ZNF124: variants seen among roughly 807,000 people sequenced by gnomAD.
ZNF124 encodes zinc finger protein 124, also known as zinc finger protein HZF-16.
ZNF124 carries 25 observed loss-of-function variants against 26.6 expected under a neutral mutation model. That is an observed-to-expected ratio of 0.94 (90% CI 0.68 to 1.31). The LOEUF is 1.31. Among genes scored for constraint, ZNF124 ranks in the 40% most tolerant of loss-of-function variants. The pLI is 0.00. For synonymous variants in ZNF124, 129 were observed against 133.3 expected (o/e 0.97, Z 0.22); for missense variants, 444 against 422.2 (o/e 1.05, Z -0.45).
intron 3 of ZNF124, among the ~76,000 whole-genome samples, chr1:247,145,321 T>G (rs1672734281): frequency 6.6e-6 from 1 of 152,202 alleles, no homozygotes; most frequent in Admixed American, 6.5e-5. Flanking sequence ...CAAATGGTTC[T>G]GAAATTTGAA....
At chr1:247,151,457 T>C (rs993767585), downstream of ZNF124, among the ~76,000 whole-genome samples, 164 of 143,198 alleles carry the variant, frequency 1.1e-3, no homozygotes, top group African/African-American at 3.9e-3. Flanking sequence ...CCAGCCTGGG[T>C]GACAGAGTGA....
downstream of ZNF124, among the ~76,000 whole-genome samples, chr1:247,154,900 A>AT (rs1558383101): frequency 6.6e-6 from 1 of 152,186 alleles, no homozygotes; most frequent in African/African-American, 2.4e-5. Context: ...CCACAAGATC[A>AT]TTCCAATAGA....
At chr1:247,150,369 A>G (rs1418952862), downstream of ZNF124, among the ~76,000 whole-genome samples, 1 of 152,242 alleles carries the variant, frequency 6.6e-6, no homozygotes, top group Non-Finnish European at 1.5e-5. Context: ...AAACTGAAAG[A>G]TGAAGAAAAT....
intron 1 of ZNF124, among the ~76,000 whole-genome samples, chr1:247,166,419 C>T (rs1673781728): frequency 6.6e-6 from 1 of 152,184 alleles, no homozygotes; most frequent in Non-Finnish European, 1.5e-5. Flanking sequence ...TGCATAGGTT[C>T]ACTGTAGCAT....
At chr1:247,145,705 T>C (rs1224623388) in intron 3 of ZNF124, among the ~76,000 whole-genome samples, 1 of 152,008 alleles carries the variant, frequency 6.6e-6, no homozygotes, top group Non-Finnish European at 1.5e-5. Context: ...CTCGGCACAG[T>C]GCAACCTCTG....
rs779659255 is a variant in ZNF124 at position 247,159,976 on chromosome 1, G to GTTTT, written c.31-164_31-163insAAAA. Reference sequence around the variant, plus strand: ...TACACTTCCTTTCTCCCACATAGCAGTTCTTTTTTTTTTTTTTTTTTTTTT... The same window carrying GTTTT: ...TACACTTCCTTTCTCCCACATAGCAGTTTTTTCTTTTTTTTTTTTTTTTTTTTTT... On this transcript the variant is annotated intron_variant, in intron 1 of 3. Coordinates refer to ENST00000543802, the MANE Select transcript of ZNF124 (RefSeq NM_001297568.2). 2.8e-3 allele frequency: 697 copies of GTTTT among 246,926 alleles called. 15 individuals are homozygous for GTTTT. Among genetic ancestry groups the GTTTT allele is most frequent in the Admixed American group, 5.0e-3 (70 of 14,130 alleles). The allele number at this position is 246,926 out of a possible 1,614,324, so 15.3% of individuals were successfully genotyped here. A position where few individuals can be genotyped will look rare whatever the true frequency, so the allele number is the denominator to read the frequency against.
At chr1:247,147,252 G>A (rs1355832132) in intron 3 of ZNF124, among the ~76,000 whole-genome samples, 4 of 148,406 alleles carry the variant, frequency 2.7e-5, no homozygotes, top group Non-Finnish European at 6.0e-5. Context: ...TTTGAGTCGG[G>A]GTCTTGCTCT....
At chr1:247,133,927 A>G (rs933051109) in intron 3 of ZNF124, among the ~76,000 whole-genome samples, 1 of 152,188 alleles carries the variant, frequency 6.6e-6, no homozygotes, top group Non-Finnish European at 1.5e-5. Flanking sequence ...TGCTGGGATT[A>G]TAGGCATGAG....
chr1:247,132,162 C>T (rs1398458884), intron 3 of ZNF124, among the ~76,000 whole-genome samples: 4 of 152,050 alleles, frequency 2.6e-5, no homozygotes, highest in Admixed American at 6.5e-5. Context: ...AGTGAACCCC[C>T]AGCAAACTGA....
intron 3 of ZNF124, chr1:247,138,718 G>C (rs547977441): frequency 2.5e-6 from 1 of 398,574 alleles, no homozygotes; most frequent in South Asian, 1.3e-4. Flanking sequence ...AAACTTACTA[G>C]AGTAGAAACC....
downstream of ZNF124, among the ~76,000 whole-genome samples, chr1:247,151,471 T>C (rs1483587919): frequency 3.8e-5 from 5 of 132,602 alleles, no homozygotes; most frequent in South Asian, 2.3e-4. Context: ...AGAGTGAGAC[T>C]CCGTCTCAAA....
intron 1 of ZNF124, among the ~76,000 whole-genome samples, chr1:247,170,047 GT>G (rs1359919641): frequency 8.6e-6 from 1 of 115,984 alleles, no homozygotes; most frequent in Non-Finnish European, 1.7e-5. Context: ...TCCTCAAACA[GT>G]TTTGAACCCA....
chr1:247,142,863 T>G (rs1234027313), intron 3 of ZNF124, among the ~76,000 whole-genome samples: 1 of 151,886 alleles, frequency 6.6e-6, no homozygotes, highest in African/African-American at 2.4e-5. Flanking sequence ...TTACATATAT[T>G]CTATTGGCAT....
At position 247,156,824 on chromosome 1, in the gene ZNF124, T is replaced by C. The variant is rs749482901; in HGVS notation, c.798A>G (p.Gln266=). Residue 266 remains glutamine, a synonymous_variant, in exon 4 of 4, where the codon CAA becomes CAG. Coordinates refer to ENST00000543802, the MANE Select transcript of ZNF124 (RefSeq NM_001297568.2). ...HAGEEPYPCK[Q]CGKAFRYASS... ...TGGCGTATCTGAAGGCTTTCCCACA[T>C]TGCTTACATGGATAGGGTTCTTCAC... 16 of 1,613,998 alleles carry C rather than the reference T, an allele frequency of 9.9e-6. No homozygotes were observed. The South Asian group carries it at 1.6e-4, about 17-fold the overall frequency.
chr1:247,125,620 C>CG (rs1329216276), intron 3 of ZNF124, among the ~76,000 whole-genome samples: 1 of 151,482 alleles, frequency 6.6e-6, no homozygotes, highest in African/African-American at 2.4e-5. Flanking sequence ...TTAGTAGAGA[C>CG]GGGGTTTCAC....
At chr1:247,143,189 A>G (rs1672672265) in intron 3 of ZNF124, among the ~76,000 whole-genome samples, 1 of 152,190 alleles carries the variant, frequency 6.6e-6, no homozygotes, top group Non-Finnish European at 1.5e-5. Flanking sequence ...ATAATATACC[A>G]CAAATCAGTT....
At chr1:247,122,268 A>C (rs1672100286) in exon 4 of ZNF124, 1 of 152,252 alleles carries the variant, frequency 6.6e-6, no homozygotes. Context: ...ATACCTATAC[A>C]CTTAATACCT....
At chr1:247,134,147 AAC>A (rs753954461) in intron 3 of ZNF124, among the ~76,000 whole-genome samples, 4 of 152,212 alleles carry the variant, frequency 2.6e-5, no homozygotes, top group Non-Finnish European at 5.9e-5. Flanking sequence ...CCACTGCAAA[AAC>A]ACACCAAAAT....
At chr1:247,145,593 G>A (rs986384811) in intron 3 of ZNF124, among the ~76,000 whole-genome samples, 17 of 151,758 alleles carry the variant, frequency 1.1e-4, no homozygotes, top group East Asian at 1.9e-4. Flanking sequence ...CCTGGTTATA[G>A]TCAGTCTCTT....
Sources: allele counts gnomAD v4.1 joint callset (sites outside exome capture counted in the v4.1 genomes callset), GRCh38; gene constraint gnomAD v4.1.1; transcripts MANE v1.5; gene names NCBI Gene and HGNC (gene_info 2026-07-23, HGNC 2026-07-21).